Variants in CC2D2B observed in about 807,000 individuals in gnomAD.
The protein encoded by CC2D2B is coiled-coil and C2 domain containing 2B, also known as protein CC2D2B.
In CC2D2B, 128 loss-of-function variants were observed where a neutral mutation model predicts 161.2. That is an observed-to-expected ratio of 0.79 (90% confidence interval 0.69 to 0.92). The LOEUF (loss-of-function observed/expected upper bound fraction) is 0.92, where lower values mean the gene tolerates loss of function less well. Among genes scored for constraint, CC2D2B ranks in the 40% least tolerant of loss-of-function variants. The pLI is 0.00. For synonymous variants in CC2D2B, 391 were observed against 449.8 expected (o/e 0.87, Z 1.65); for missense variants, 1,173 against 1,375.1 (o/e 0.85, Z 2.32).
At chr10:95,996,298 A>G in intron 24 of CC2D2B, 46 bp downstream of exon 24, 5 of 842,590 alleles carry the variant, frequency 5.9e-6, no homozygotes, top group Non-Finnish European at 9.1e-6. Context: ...AAAGAGCAAT[A>G]ATAAAATTAT....
At chr10:95,969,607 AT>A (rs908373274) in intron 15 of CC2D2B, among the ~76,000 whole-genome samples, 45 of 152,156 alleles carry the variant, frequency 3.0e-4, no homozygotes, top group African/African-American at 1.1e-3. Flanking sequence ...ATAAATCACA[AT>A]TATTTTTATA....
intron 6 of CC2D2B, among the ~76,000 whole-genome samples, chr10:95,929,670 T>A (rs935970274): frequency 1.3e-5 from 2 of 152,186 alleles, no homozygotes; most frequent in Non-Finnish European, 2.9e-5. Flanking sequence ...CCCCATTGCT[T>A]GTTTTTGTCA....
At chr10:95,921,904 C>G in intron 2 of CC2D2B, 112 bp from the exon 3 acceptor site, 3 of 575,904 alleles carry the variant, frequency 5.2e-6, no homozygotes, top group Non-Finnish European at 6.0e-6. Context: ...ATGTAACAAA[C>G]CTGCATGTTG....
At chr10:95,929,735 G>A (rs1230281398) in intron 6 of CC2D2B, among the ~76,000 whole-genome samples, 1 of 152,134 alleles carries the variant, frequency 6.6e-6, no homozygotes, top group African/African-American at 2.4e-5. Flanking sequence ...TGAGGCCTCT[G>A]TTCTGTTCCA....
chr10:95,933,451 G>A (rs1241801809), intron 6 of CC2D2B, among the ~76,000 whole-genome samples: 2 of 152,050 alleles, frequency 1.3e-5, no homozygotes, highest in African/African-American at 4.8e-5. Flanking sequence ...ATCCTTTGGA[G>A]GAAAAGAGGC....
At chr10:95,931,204 T>C (rs2098549474) in intron 6 of CC2D2B, among the ~76,000 whole-genome samples, 2 of 152,222 alleles carry the variant, frequency 1.3e-5, no homozygotes, top group South Asian at 4.1e-4. Context: ...TGATGGTAGT[T>C]TGTATTTCTG....
Position 96,032,035 on chromosome 10 carries a change from TG to T in CC2D2B, c.*28del. 6.4e-7 allele frequency: 1 copy of T among 1,566,472 alleles called. No homozygotes were observed. Among genetic ancestry groups the T allele is most frequent in the African/African-American group, 1.4e-5 (1 of 73,916 alleles). ...AAGGAAGCAGAGCAAAGTAAAAGAT[TG>T]TACTATAGTCCTCTAGTACCAACAA... On this transcript the variant is annotated 3_prime_UTR_variant, in exon 35 of 35. Transcript: ENST00000646931.
At chr10:95,972,732 G>A (rs1442688697) in intron 16 of CC2D2B, among the ~76,000 whole-genome samples, 3 of 152,208 alleles carry the variant, frequency 2.0e-5, no homozygotes, top group Admixed American at 1.3e-4. Context: ...TAGCACCCAC[G>A]CTTTTTGCAG....
chr10:96,024,742 TGCCACAGAAG>T, intron 32 of CC2D2B, 101 bp from the exon 33 acceptor site: 1 of 554,972 alleles, frequency 1.8e-6, no homozygotes, highest in Admixed American at 3.1e-5. Context: ...TGAGTGTTTT[TGCCACAGAAG>T]CCTGGTTTGT....
At chr10:95,993,938 GTGTGTATGTATGTGTATA>G (rs2078099909) in intron 22 of CC2D2B, among the ~76,000 whole-genome samples, 4 of 38,330 alleles carry the variant, frequency 1.0e-4, no homozygotes, top group African/African-American at 1.8e-4. Flanking sequence ...GTGTGTGTGT[GTGTGTATGTATGTGTATA>G]TATATATATA....
chr10:95,964,471 C>G (rs1021609848), intron 12 of CC2D2B, among the ~76,000 whole-genome samples: 1 of 152,114 alleles, frequency 6.6e-6, no homozygotes, highest in East Asian at 1.9e-4. Context: ...TATTAAAGAA[C>G]AGCAAGTTTA....
Position 96,009,832 on chromosome 10 carries a change from G to A in CC2D2B, c.2954G>A (p.Cys985Tyr), listed in dbSNP as rs767904768. The A allele has an allele frequency of 5.2e-6, 8 of 1,532,706 alleles. No homozygotes were observed. The East Asian group carries it at 6.9e-5, about 13-fold the overall frequency. 94.9% of individuals were successfully genotyped at this position (1,532,706 alleles called of 1,614,324 possible). ...EMMTEKHEDH[C>Y]LKSCSGHSYI... The stretch of plus-strand genomic sequence containing the variant: ...AATTATTTATTTTCATAGGATCACT[G>A]TCTCAAGAGCTGTAGTGGTCACTCA... The change falls in exon 26 of 35, where the codon TGT becomes TAT. Residue 985 changes from cysteine to tyrosine, a missense_variant. Cys to Tyr is a radical substitution (Grantham distance 194). Coordinates refer to ENST00000646931, the MANE Select transcript of CC2D2B (RefSeq NM_001349008.3).
At chr10:95,984,613 A>C (rs2077647311) in intron 19 of CC2D2B, 1 of 152,214 alleles carries the variant, frequency 6.6e-6, no homozygotes, top group South Asian at 2.1e-4. Context: ...GCAGTGACTC[A>C]TGCCTGTAAT....
At chr10:95,970,712 A>T (rs1024766404) in intron 15 of CC2D2B, among the ~76,000 whole-genome samples, 1 of 152,210 alleles carries the variant, frequency 6.6e-6, no homozygotes, top group African/African-American at 2.4e-5. Context: ...TGTAAATGCC[A>T]ACTCAACATT....
chr10:95,917,468 T>C (rs891493158), intron 2 of CC2D2B, among the ~76,000 whole-genome samples: 1 of 152,102 alleles, frequency 6.6e-6, no homozygotes, highest in African/African-American at 2.4e-5. Flanking sequence ...CATCCGTCCG[T>C]CCATCCGTCC....
intron 9 of CC2D2B, among the ~76,000 whole-genome samples, chr10:95,949,577 C>T (rs2076330279): frequency 7.9e-6 from 1 of 127,224 alleles, no homozygotes; most frequent in Non-Finnish European, 1.6e-5. Context: ...TTAGTGGGTG[C>T]AGCGCACCAG....
chr10:96,010,217 T>C (rs1454533812), intron 26 of CC2D2B, among the ~76,000 whole-genome samples: 1 of 152,216 alleles, frequency 6.6e-6, no homozygotes, highest in South Asian at 2.1e-4. Context: ...TTCTGATTAA[T>C]GGTGTTTCTT....
chr10:95,954,851 G>C (rs2076520766), intron 10 of CC2D2B, among the ~76,000 whole-genome samples: 1 of 152,070 alleles, frequency 6.6e-6, no homozygotes, highest in Admixed American at 6.6e-5. Context: ...TCTCCTTTAT[G>C]TGTTTTAGGG....
rs12254189 is a variant in CC2D2B at position 95,943,931 on chromosome 10, A to G, written c.801+5006A>G. Among the ~76,000 whole-genome samples the G allele has an allele frequency of 9.1e-3, 1,384 of 152,300 alleles. 15 individuals carry two copies. Among genetic ancestry groups the G allele is most frequent in the African/African-American group, 0.031 (1,303 of 41,566 alleles). ...TCATCTTCATCCAACCAGGGACTTA[A>G]CTGATTTAAAGACTGAATTACAGTT... is the stretch of plus-strand genomic sequence containing the variant. On this transcript the variant is annotated intron_variant, in intron 9 of 34. Transcript: ENST00000646931.
Sources: gnomAD v4.1 joint callset for allele counts (sites outside exome capture counted in the v4.1 genomes callset) on GRCh38, gnomAD v4.1.1 for gene constraint, MANE v1.5 for transcripts, NCBI Gene and HGNC (gene_info 2026-07-23, HGNC 2026-07-21) for gene names.